Variants in GNAQ observed in about 807,000 individuals in gnomAD.
GNAQ encodes guanine nucleotide-binding protein G(q) subunit alpha.
A neutral mutation model predicts 43.9 loss-of-function variants in GNAQ; 8 were observed. The ratio of observed to expected loss-of-function variants is 0.18; its 90% CI spans 0.11 to 0.33. The LOEUF is 0.33. Among genes scored for constraint, GNAQ ranks in the 10% least tolerant of loss-of-function variants. The probability of loss-of-function intolerance (pLI) is 1.00; values close to 1 mark genes in which losing one functional copy is unlikely to be tolerated. For synonymous variants in GNAQ, 155 were observed against 170.7 expected (o/e 0.91, Z 0.71); for missense variants, 158 against 450.8 (o/e 0.35, Z 5.88).
At chr9:77,982,338 C>T (rs917763767) in intron 1 of GNAQ, among the ~76,000 whole-genome samples, 2 of 152,074 alleles carry the variant, frequency 1.3e-5, no homozygotes, top group Non-Finnish European at 2.9e-5. Flanking sequence ...CTGATGTTGG[C>T]GAAGTAAAAC....
At chr9:77,782,811 A>C (rs1343025508) in intron 5 of GNAQ, among the ~76,000 whole-genome samples, 1 of 152,248 alleles carries the variant, frequency 6.6e-6, no homozygotes, top group African/African-American at 2.4e-5. Context: ...TTCAGTACCA[A>C]AAAGTAATGA....
Position 77,935,140 on chromosome 9 carries a change from T to C in GNAQ, c.137-12795A>G, listed in dbSNP as rs538351633. Among the ~76,000 whole-genome samples, 164 of 151,942 alleles carry C rather than the reference T, an allele frequency of 1.1e-3. 2 individuals are homozygous for C. Among genetic ancestry groups the C allele is most frequent in the African/African-American group, 3.7e-3 (155 of 41,450 alleles). ...ATGCTGTCTCAAAAAAATAAGAAAA[T>C]TATACCCAAAGAAATACTTCCCTTT... On this transcript the variant is annotated intron_variant, in intron 1 of 6. Coordinates refer to ENST00000286548, the MANE Select transcript of GNAQ (RefSeq NM_002072.5).
chr9:77,881,126 T>C (rs1436018865), intron 2 of GNAQ, among the ~76,000 whole-genome samples: 2 of 152,222 alleles, frequency 1.3e-5, no homozygotes, highest in Non-Finnish European at 2.9e-5. Context: ...CTGACACTAC[T>C]ATCTATTTTG....
intron 1 of GNAQ, among the ~76,000 whole-genome samples, chr9:77,991,983 G>T (rs1442164693): frequency 6.6e-6 from 1 of 152,162 alleles, no homozygotes; most frequent in Non-Finnish European, 1.5e-5. Context: ...GGGCATTAAG[G>T]CTGGTTCCAT....
Position 77,985,655 on chromosome 9 carries a change from G to A in GNAQ, c.136+45445C>T, listed in dbSNP as rs192585423. Reference sequence around the variant, plus strand: ...GCTGGAGTGCAGTGGCATGATCTCGGCTTACTGCAATCTCTCTGCCTCCCG... The same window carrying A: ...GCTGGAGTGCAGTGGCATGATCTCGACTTACTGCAATCTCTCTGCCTCCCG... On this transcript the variant is annotated intron_variant, in intron 1 of 6. Coordinates refer to ENST00000286548, the MANE Select transcript of GNAQ (RefSeq NM_002072.5). Among the ~76,000 whole-genome samples, 4 of 152,140 alleles carry A rather than the reference G, an allele frequency of 2.6e-5. No individual in the cohort carries two copies. In the East Asian group the frequency reaches 5.8e-4, roughly 22 times the overall value.
chr9:77,739,572 TAGAAAAC>T (rs1356380077), intron 5 of GNAQ, among the ~76,000 whole-genome samples: 3 of 152,196 alleles, frequency 2.0e-5, no homozygotes, highest in Admixed American at 6.5e-5. Context: ...TTTCCTAACT[TAGAAAAC>T]AGTTCTACTT....
chr9:77,860,291 C>T (rs1314203677), intron 2 of GNAQ, among the ~76,000 whole-genome samples: 2 of 152,052 alleles, frequency 1.3e-5, no homozygotes, highest in African/African-American at 4.8e-5. Flanking sequence ...GTTCAGACAG[C>T]CCATCTTTCT....
At chr9:77,808,697 G>GA (rs1384296767) in intron 3 of GNAQ, among the ~76,000 whole-genome samples, 2 of 152,078 alleles carry the variant, frequency 1.3e-5, no homozygotes, top group African/African-American at 2.4e-5. Context: ...TTTAGGAGGA[G>GA]AATTTAAGGA....
intron 2 of GNAQ, among the ~76,000 whole-genome samples, chr9:77,832,149 T>A (rs115430931): frequency 3.8e-4 from 58 of 151,786 alleles, no homozygotes; most frequent in African/African-American, 1.4e-3. Flanking sequence ...ACCCATCACA[T>A]ACAACTCTTC....
intron 1 of GNAQ, among the ~76,000 whole-genome samples, chr9:78,001,363 T>C (rs1252296051): frequency 6.6e-6 from 1 of 151,714 alleles, no homozygotes; most frequent in Non-Finnish European, 1.5e-5. Context: ...ATCGCGCCAC[T>C]GCACACTCCA....
At chr9:77,809,222 CAAG>C (rs1224783738) in intron 3 of GNAQ, among the ~76,000 whole-genome samples, 2 of 152,156 alleles carry the variant, frequency 1.3e-5, no homozygotes, top group Non-Finnish European at 2.9e-5. Context: ...GTGGAAATTT[CAAG>C]AAGGTGTCTG....
At chr9:77,918,132 A>G (rs1432227988) in intron 2 of GNAQ, among the ~76,000 whole-genome samples, 1 of 152,158 alleles carries the variant, frequency 6.6e-6, no homozygotes, top group Admixed American at 6.5e-5. Flanking sequence ...GCCAGAATCA[A>G]TTTCACAGCA....
At chr9:77,859,873 G>A (rs1021602328) in intron 2 of GNAQ, among the ~76,000 whole-genome samples, 3 of 152,124 alleles carry the variant, frequency 2.0e-5, no homozygotes, top group Admixed American at 2.0e-4. Flanking sequence ...AAAAGTGAAG[G>A]TCTTATCGGT....
At chr9:77,991,505 TC>T (rs1365306223) in intron 1 of GNAQ, among the ~76,000 whole-genome samples, 2 of 152,180 alleles carry the variant, frequency 1.3e-5, no homozygotes, top group African/African-American at 4.8e-5. Context: ...TACCTCCACA[TC>T]TCCATGGCCC....
intron 1 of GNAQ, among the ~76,000 whole-genome samples, chr9:77,941,775 G>C: frequency 6.6e-6 from 1 of 152,164 alleles, no homozygotes; most frequent in East Asian, 1.9e-4. Flanking sequence ...GCAACTAGGA[G>C]AAACAATGTT....
In GNAQ at chr9:77,822,158, T is replaced by C. The variant is rs186185885; in HGVS notation, c.322-6388A>G. Among the ~76,000 whole-genome samples the C allele has an allele frequency of 2.7e-4, 41 of 152,278 alleles. No individual in the cohort carries two copies. In the East Asian group the frequency reaches 5.8e-3, roughly 22 times the overall value. On this transcript the variant is annotated intron_variant, in intron 2 of 6. Coordinates refer to ENST00000286548, the MANE Select transcript of GNAQ (RefSeq NM_002072.5). ...CATGAGCCTAGCATTGGGGATATTA[T>C]TGAATTTTCCAAACTTGTTTGACCA...
intron 5 of GNAQ, among the ~76,000 whole-genome samples, chr9:77,785,506 T>TCCCTGTGAAC (rs1343571483): frequency 2.6e-5 from 4 of 152,186 alleles, no homozygotes; most frequent in Non-Finnish European, 5.9e-5. Flanking sequence ...ACATATGTAT[T>TCCCTGTGAAC]CCCTGTGAAC....
intron 2 of GNAQ, among the ~76,000 whole-genome samples, chr9:77,891,206 C>A (rs1828399436): frequency 1.3e-5 from 2 of 152,106 alleles, no homozygotes; most frequent in Non-Finnish European, 2.9e-5. Flanking sequence ...TATCCTCATA[C>A]ATATTCTCAT....
chr9:77,971,916 T>C (rs1587438812), intron 1 of GNAQ, among the ~76,000 whole-genome samples: 1 of 152,310 alleles, frequency 6.6e-6, no homozygotes, highest in South Asian at 2.1e-4. Context: ...TTAGTAGCAA[T>C]TGTGAATGGG....
Sources: allele counts gnomAD v4.1 joint callset (sites outside exome capture counted in the v4.1 genomes callset), GRCh38; gene constraint gnomAD v4.1.1; transcripts MANE v1.5; gene names NCBI Gene and HGNC (gene_info 2026-07-23, HGNC 2026-07-21).